The following NCK2 variants were observed in gnomAD, a reference collection of about 807,000 sequenced individuals.
NCK2 encodes NCK adaptor protein 2.
In NCK2, 16 loss-of-function variants were observed where a neutral mutation model predicts 33.9. The observed-to-expected ratio is 0.47, with a 90% CI of 0.32 to 0.72. NCK2 has a LOEUF of 0.72. NCK2 is among the 30% of genes least tolerant of loss of function. NCK2 has a pLI of 0.03. For missense variants in NCK2, 418 were observed against 537.3 expected (o/e 0.78, Z 2.19); for synonymous variants, 273 against 239.9 (o/e 1.14, Z -1.27).
Position 105,893,302 on chromosome 2 carries a change from G to C in NCK2, c.*126G>C. ...CTCTGCGAGTCTCTCTTTATGTTCA[G>C]GTCGCTTGGTCGGTTCGTCTCCCAT... On this transcript the variant is annotated 3_prime_UTR_variant, in exon 5 of 5. Coordinates refer to ENST00000233154, the MANE Select transcript of NCK2 (RefSeq NM_003581.5). The C allele has an allele frequency of 2.1e-6, 2 of 962,310 alleles. No homozygotes were observed. The highest frequency in any genetic ancestry group is 3.0e-6 in the Non-Finnish European group (2 of 668,720). The allele number at this position is 962,310 out of a possible 1,614,324, so 59.6% of individuals were successfully genotyped here.
chr2:105,877,891 A>G (rs879900), intron 3 of NCK2, among the ~76,000 whole-genome samples: 45,428 of 152,066 alleles, frequency 0.3, 7,496 homozygotes, highest in South Asian at 0.43. Flanking sequence ...TATTTCCACA[A>G]ATTAAGAAGT....
At chr2:105,776,601 GAACTTGTGGA>G (rs951935027) in intron 1 of NCK2, among the ~76,000 whole-genome samples, 4 of 152,164 alleles carry the variant, frequency 2.6e-5, no homozygotes, top group African/African-American at 9.7e-5. Context: ...TCAGAAAAAG[GAACTTGTGGA>G]TTTTCTTTTA....
At chr2:105,837,739 A>AT (rs1214551188) in intron 2 of NCK2, among the ~76,000 whole-genome samples, 1 of 152,164 alleles carries the variant, frequency 6.6e-6, no homozygotes, top group African/African-American at 2.4e-5. Flanking sequence ...ATTCCCATTG[A>AT]TTTTCAACCT....
intron 1 of NCK2, among the ~76,000 whole-genome samples, chr2:105,748,261 TCTTA>T (rs759070822): frequency 1.3e-5 from 2 of 152,332 alleles, no homozygotes; most frequent in South Asian, 2.1e-4. Flanking sequence ...AAGGGTCGTC[TCTTA>T]CTTCTTTTCT....
At chr2:105,823,295 A>G (rs538102339) in intron 2 of NCK2, among the ~76,000 whole-genome samples, 1 of 151,916 alleles carries the variant, frequency 6.6e-6, no homozygotes, top group East Asian at 1.9e-4. Context: ...ACTGAAGGGA[A>G]CACGTGGAAC....
chr2:105,869,311 T>C (rs1415951234), intron 3 of NCK2, among the ~76,000 whole-genome samples: 1 of 152,158 alleles, frequency 6.6e-6, no homozygotes, highest in African/African-American at 2.4e-5. Context: ...GACAACACAA[T>C]GGCAGCCATC....
chr2:105,751,195 C>A (rs530247043), intron 1 of NCK2, among the ~76,000 whole-genome samples: 29 of 152,304 alleles, frequency 1.9e-4, no homozygotes, highest in African/African-American at 7.0e-4. Flanking sequence ...TGCAACCTGC[C>A]CGCCTTCTCA....
intron 2 of NCK2, among the ~76,000 whole-genome samples, chr2:105,835,393 A>ATATATATATATATATATATATATGTG (rs371518634): frequency 3.1e-4 from 16 of 51,672 alleles, no homozygotes; most frequent in South Asian, 7.1e-4. Flanking sequence ...ATACACATAT[A>ATATATATATATATATATATATATGTG]TATATATATA....
chr2:105,767,164 C>T (rs1254398001), intron 1 of NCK2, among the ~76,000 whole-genome samples: 1 of 152,224 alleles, frequency 6.6e-6, no homozygotes, highest in African/African-American at 2.4e-5. Flanking sequence ...CTGTGTTTAT[C>T]TCATAGATAC....
At chr2:105,801,238 G>A (rs1012821660) in intron 1 of NCK2, among the ~76,000 whole-genome samples, 1 of 151,970 alleles carries the variant, frequency 6.6e-6, no homozygotes, top group Non-Finnish European at 1.5e-5. Context: ...CTGGCTAGAG[G>A]CCTGCCGGGC....
At chr2:105,840,841 C>T (rs1676613802) in intron 2 of NCK2, among the ~76,000 whole-genome samples, 1 of 152,212 alleles carries the variant, frequency 6.6e-6, no homozygotes, top group South Asian at 2.1e-4. Flanking sequence ...TTGCATCCCC[C>T]TTTTCCTAAT....
At chr2:105,820,533 T>C (rs947591520) in intron 2 of NCK2, among the ~76,000 whole-genome samples, 3 of 152,252 alleles carry the variant, frequency 2.0e-5, no homozygotes, top group South Asian at 2.1e-4. Flanking sequence ...GGTCTCCCCA[T>C]TGAAGTTAAG....
chr2:105,833,460 G>A (rs368295909), intron 2 of NCK2, among the ~76,000 whole-genome samples: 1 of 151,926 alleles, frequency 6.6e-6, no homozygotes, highest in African/African-American at 2.4e-5. Context: ...TGTTTTCCTT[G>A]GGTTTTCTAA....
intron 1 of NCK2, among the ~76,000 whole-genome samples, chr2:105,800,439 T>A (rs1483362660): frequency 6.6e-6 from 1 of 152,242 alleles, no homozygotes; most frequent in Admixed American, 6.5e-5. Context: ...TCCTTTCCTC[T>A]TTAGAGCATG....
chr2:105,777,315 G>A (rs1209605826), intron 1 of NCK2, among the ~76,000 whole-genome samples: 1 of 152,160 alleles, frequency 6.6e-6, no homozygotes, highest in Non-Finnish European at 1.5e-5. Flanking sequence ...GTCTTTGACA[G>A]AACTTAACCA....
chr2:105,786,006 C>T lies in NCK2; in HGVS notation c.-200-30424C>T, dbSNP rs949152504. Among the ~76,000 whole-genome samples the T allele has an allele frequency of 1.6e-4, 24 of 152,282 alleles. 1 individual carries two copies. Among genetic ancestry groups the T allele is most frequent in the South Asian group, 8.3e-4 (4 of 4,830 alleles). On this transcript the variant is annotated intron_variant, in intron 1 of 4. Coordinates refer to ENST00000233154, the MANE Select transcript of NCK2 (RefSeq NM_003581.5). ...GTGTTTTCGTAAACGTGTGTGTGTC[C>T]ACTCTTTGCCCATCTGTCAATTTTC...
intron 3 of NCK2, among the ~76,000 whole-genome samples, chr2:105,857,944 T>C (rs960671930): frequency 2.6e-5 from 4 of 152,226 alleles, no homozygotes; most frequent in Non-Finnish European, 5.9e-5. Flanking sequence ...AGATGTGGCG[T>C]TGCCAAGAAG....
At chr2:105,820,102 T>C (rs990325687) in intron 2 of NCK2, among the ~76,000 whole-genome samples, 11 of 151,996 alleles carry the variant, frequency 7.2e-5, no homozygotes, top group African/African-American at 2.7e-4. Context: ...AGATGTTACG[T>C]TGGGAATAAG....
chr2:105,773,936 A>G (rs1690218260), intron 1 of NCK2, among the ~76,000 whole-genome samples: 1 of 152,072 alleles, frequency 6.6e-6, no homozygotes, highest in Non-Finnish European at 1.5e-5. Flanking sequence ...TGTTTATAAG[A>G]AAGATGTCAG....
Sources: allele counts gnomAD v4.1 joint callset (sites outside exome capture counted in the v4.1 genomes callset), GRCh38; gene constraint gnomAD v4.1.1; transcripts MANE v1.5; gene names NCBI Gene and HGNC (gene_info 2026-07-23, HGNC 2026-07-21).